MYO16: variants seen among roughly 807,000 people sequenced by gnomAD.
MYO16 encodes myosin XVI.
In MYO16, 94 loss-of-function variants were observed where a neutral mutation model predicts 205.3. The ratio of observed to expected loss-of-function variants is 0.46; its 90% CI spans 0.39 to 0.54. MYO16 has a LOEUF of 0.54. MYO16 is among the 20% of genes least tolerant of loss of function. MYO16 has a pLI of 0.00. For synonymous variants in MYO16, 988 were observed against 954.0 expected (o/e 1.04, Z -0.66); for missense variants, 2,315 against 2,387.5 (o/e 0.97, Z 0.63).
chr13:108,817,099 A>C (rs185039417), intron 7 of MYO16, among the ~76,000 whole-genome samples: 1 of 152,342 alleles, frequency 6.6e-6, no homozygotes, highest in African/African-American at 2.4e-5. Context: ...AGGATAAAAA[A>C]AAAATAGTAA....
At chr13:108,917,836 G>T (rs1174995587) in intron 16 of MYO16, among the ~76,000 whole-genome samples, 1 of 152,204 alleles carries the variant, frequency 6.6e-6, no homozygotes, top group East Asian at 1.9e-4. Context: ...TGCTGTGTTG[G>T]TTTTGTTGTC....
chr13:108,781,100 T>C (rs1886286243), intron 4 of MYO16, among the ~76,000 whole-genome samples: 1 of 152,266 alleles, frequency 6.6e-6, no homozygotes, highest in African/African-American at 2.4e-5. Context: ...TGACTCCTAA[T>C]TGTATTCACT....
intron 2 of MYO16, among the ~76,000 whole-genome samples, chr13:108,677,147 G>GA (rs1269403278): frequency 6.6e-6 from 1 of 152,022 alleles, no homozygotes; most frequent in African/African-American, 2.4e-5. Context: ...GCAGAAGGAG[G>GA]AGGGGATTCA....
At chr13:108,503,825 T>C in the MYO16 span, among the ~76,000 whole-genome samples, 1 of 152,248 alleles carries the variant, frequency 6.6e-6, no homozygotes, top group South Asian at 2.1e-4. Context: ...TAGTAAATCA[T>C]TGCAAAGTAA....
intron 12 of MYO16, among the ~76,000 whole-genome samples, chr13:108,882,041 A>G (rs1435200876): frequency 6.6e-6 from 1 of 152,252 alleles, no homozygotes; most frequent in Non-Finnish European, 1.5e-5. Context: ...AAGGGCAGCC[A>G]GAGAGAAAGG....
chr13:109,195,687 A>G (rs1173143098), intron 34 of MYO16, among the ~76,000 whole-genome samples: 1 of 152,118 alleles, frequency 6.6e-6, no homozygotes, highest in African/African-American at 2.4e-5. Context: ...GCCTCTTTTC[A>G]CCTTTGGGTG....
intron 7 of MYO16, among the ~76,000 whole-genome samples, chr13:108,818,864 G>A (rs149951241): frequency 2.5e-4 from 38 of 152,248 alleles, no homozygotes; most frequent in African/African-American, 8.9e-4. Context: ...AAGAAATCCA[G>A]GAGAAGCCTG....
chr13:108,752,502 C>T (rs1412661216), intron 4 of MYO16, among the ~76,000 whole-genome samples: 5 of 152,284 alleles, frequency 3.3e-5, no homozygotes, highest in East Asian at 1.9e-4. Flanking sequence ...TATAGTCATT[C>T]GTCACTGGCA....
intron 4 of MYO16, among the ~76,000 whole-genome samples, chr13:108,767,870 C>T (rs1313028389): frequency 6.6e-6 from 1 of 152,176 alleles, no homozygotes; most frequent in Non-Finnish European, 1.5e-5. Context: ...TGCAAAAATA[C>T]ACTTTAATAT....
chr13:109,035,841 A>C (rs1886698102), intron 23 of MYO16, among the ~76,000 whole-genome samples: 1 of 152,212 alleles, frequency 6.6e-6, no homozygotes, highest in African/African-American at 2.4e-5. Flanking sequence ...TCTCATACGT[A>C]ACGTGCATCC....
chr13:108,679,310 T>C (rs1398236691), intron 2 of MYO16, among the ~76,000 whole-genome samples: 1 of 152,170 alleles, frequency 6.6e-6, no homozygotes, highest in Non-Finnish European at 1.5e-5. Flanking sequence ...ACCCGCTTCC[T>C]TCTTTTTCAT....
At chr13:108,516,773 G>A in the MYO16 span, among the ~76,000 whole-genome samples, 1 of 152,136 alleles carries the variant, frequency 6.6e-6, no homozygotes, top group Admixed American at 6.5e-5. Context: ...AACTTTATGT[G>A]AATAGAATTA....
chr13:109,007,202 C>T (rs966145359), intron 21 of MYO16, among the ~76,000 whole-genome samples: 2 of 152,070 alleles, frequency 1.3e-5, no homozygotes, highest in African/African-American at 2.4e-5. Flanking sequence ...ACCTGTCTAA[C>T]ATGGTGAAAC....
intron 21 of MYO16, among the ~76,000 whole-genome samples, chr13:108,997,338 A>AAGAGAG (rs869174444): frequency 1.4e-3 from 8 of 5,548 alleles, no homozygotes; most frequent in African/African-American, 5.5e-3. Context: ...GAAAGAAAGA[A>AAGAGAG]AGAGAGAGAG....
intron 10 of MYO16, among the ~76,000 whole-genome samples, chr13:108,848,213 C>T (rs9514933): frequency 0.42 from 63,353 of 151,970 alleles, 13,664 homozygotes; most frequent in Non-Finnish European, 0.47. Context: ...TTGCATACTC[C>T]GGTTTTGCCA....
At position 109,019,888 on chromosome 13, in the gene MYO16, A is replaced by G. The variant is rs1419649965; in HGVS notation, c.2773A>G (p.Thr925Ala). 6.2e-7 allele frequency: 1 copy of G among 1,614,188 alleles called. No homozygotes were observed. The highest frequency in any genetic ancestry group is 1.7e-5 in the Admixed American group (1 of 60,022). Reference sequence around the variant, plus strand: ...CCTCAAAGACCACGGTACAGCCTTCACCATCATGCACTACGCAGGAAGGGT... The same window carrying G: ...CCTCAAAGACCACGGTACAGCCTTCGCCATCATGCACTACGCAGGAAGGGT... The part of the protein sequence containing the change: ...VALKDHGTAF[T>A]IMHYAGRVMY... Residue 925 changes from threonine to alanine, a missense_variant, in exon 23 of 35, where the codon ACC (threonine) becomes GCC (alanine). Thr to Ala is a moderately conservative substitution (Grantham distance 58). Around this residue, in one of 3 missense-constraint regions of MYO16, gnomAD observed 1,213 missense variants for 1,274.4 expected, o/e 0.95. Transcript: ENST00000457511.
At chr13:108,950,702 C>A (rs1463609313) in intron 16 of MYO16, among the ~76,000 whole-genome samples, 2 of 152,166 alleles carry the variant, frequency 1.3e-5, no homozygotes, top group Non-Finnish European at 2.9e-5. Context: ...CAGCATCCGA[C>A]CAAGAGAAGT....
chr13:109,027,399 C>T (rs796692770), intron 23 of MYO16, among the ~76,000 whole-genome samples: 14 of 152,298 alleles, frequency 9.2e-5, no homozygotes, highest in African/African-American at 3.1e-4. Flanking sequence ...CTATACAAGC[C>T]ACTACAGGCT....
intron 16 of MYO16, among the ~76,000 whole-genome samples, chr13:108,929,334 T>TTTCC (rs2139286629): frequency 6.6e-6 from 1 of 152,286 alleles, no homozygotes; most frequent in South Asian, 2.1e-4. Context: ...AATACATATG[T>TTTCC]GGAAAGATGC....
Sources: gnomAD v4.1 joint callset for allele counts (sites outside exome capture counted in the v4.1 genomes callset) on GRCh38, gnomAD v4.1.1 for gene constraint, gnomAD v4.1.1 regional missense constraint, MANE v1.5 for transcripts, NCBI Gene and HGNC (gene_info 2026-07-23, HGNC 2026-07-21) for gene names.